FOXP4: variants seen among roughly 807,000 people sequenced by gnomAD.
FOXP4 encodes forkhead box protein P4.
In FOXP4, 25 loss-of-function variants were observed where a neutral mutation model predicts 82.6. That is an observed-to-expected ratio of 0.30 (90% CI 0.22 to 0.42). The LOEUF (loss-of-function observed/expected upper bound fraction) is 0.42, where lower values mean the gene tolerates loss of function less well. Among genes scored for constraint, FOXP4 ranks in the 10% least tolerant of loss-of-function variants. FOXP4 has a pLI of 1.00. For synonymous variants in FOXP4, 415 were observed against 388.2 expected, an observed-to-expected ratio of 1.07 and a Z score of -0.81; for missense variants, 785 against 900.9, an observed-to-expected ratio of 0.87 and a Z score of 1.65.
intron 1 of FOXP4, among the ~76,000 whole-genome samples, chr6:41,548,824 C>CT (rs11326650): frequency 3.9e-4 from 41 of 106,068 alleles, no homozygotes; most frequent in African/African-American, 7.0e-4. Context: ...GTCTGAAGGC[C>CT]TTTTTTTTTT....
chr6:41,573,067 T>G (rs944597695), intron 2 of FOXP4, among the ~76,000 whole-genome samples: 4 of 152,204 alleles, frequency 2.6e-5, no homozygotes, highest in Admixed American at 6.5e-5. Context: ...GCTCTTCGAC[T>G]TCTCATTCTC....
chr6:41,572,563 C>T (rs1562024288), intron 2 of FOXP4, among the ~76,000 whole-genome samples: 2 of 152,226 alleles, frequency 1.3e-5, no homozygotes, highest in South Asian at 2.1e-4. Flanking sequence ...CAGAATGGGG[C>T]GAGGTGGGCC....
intron 1 of FOXP4, among the ~76,000 whole-genome samples, chr6:41,547,723 CGGCCACGGGGGCCCGGA>C (rs1234207167): frequency 6.6e-6 from 1 of 151,714 alleles, no homozygotes; most frequent in Non-Finnish European, 1.5e-5. Flanking sequence ...GAAGAGAGGG[CGGCCACGGGGGCCCGGA>C]GGCCACCAGG....
At position 41,588,557 on chromosome 6, in the gene FOXP4, A is replaced by G. The variant is rs1335570127; in HGVS notation, c.978-87A>G. 2.3e-6 allele frequency: 3 copies of G among 1,299,482 alleles called. No homozygotes were observed. In the African/African-American group the frequency reaches 4.4e-5, roughly 19 times the overall value. The allele number at this position is 1,299,482 out of a possible 1,614,324, so 80.5% of individuals were successfully genotyped here. On this transcript the variant is annotated intron_variant, in intron 8 of 16. Coordinates refer to ENST00000307972, the MANE Select transcript of FOXP4 (RefSeq NM_001012426.2). ...TCTTGGTCTGTCTGCTTTTCAGGCC[A>G]TGGGTGGGATTAGAGGATAGGATGG...
chr6:41,599,939 C>T lies in FOXP4; in HGVS notation c.*1003C>T, dbSNP rs1199026878. On this transcript the variant is annotated 3_prime_UTR_variant, in exon 17 of 17. Coordinates refer to ENST00000307972, the MANE Select transcript of FOXP4 (RefSeq NM_001012426.2). ...GTTAAACGGATGACCAAAGACCTTT[C>T]TTATGCCGGAAGCAAAAACCAAAAC... 1 of 152,326 alleles carries T rather than the reference C, an allele frequency of 6.6e-6. No individual in the cohort carries two copies. Among genetic ancestry groups the T allele is most frequent in the African/African-American group, 2.4e-5 (1 of 41,388 alleles). 9.4% of individuals were successfully genotyped at this position (152,326 alleles called of 1,614,324 possible). A position where few individuals can be genotyped will look rare whatever the true frequency, so the allele number is the denominator to read the frequency against.
At chr6:41,571,311 C>T (rs1765186447) in intron 2 of FOXP4, among the ~76,000 whole-genome samples, 1 of 152,230 alleles carries the variant, frequency 6.6e-6, no homozygotes, top group South Asian at 2.1e-4. Context: ...CAGGCAGAGG[C>T]CGGGCACTGC....
At chr6:41,571,557 G>A (rs1009507570) in intron 2 of FOXP4, among the ~76,000 whole-genome samples, 2 of 152,148 alleles carry the variant, frequency 1.3e-5, no homozygotes, top group Non-Finnish European at 2.9e-5. Context: ...TCCCACCCAC[G>A]TGGGCCTGTC....
rs1256054566 is a variant in FOXP4, at chr6:41,546,569, C to T, written c.-315C>T. ...ACCAGGGCTGGGCCGGGGGCGGGGA[C>T]GCCGGGGTCCGGGAGCCCGGGAGCC... On this transcript the variant is annotated 5_prime_UTR_variant, in exon 1 of 17. It adds an upstream start codon to the 5' untranslated region. Transcript: ENST00000307972. 2 of 148,230 alleles carry T rather than the reference C, an allele frequency of 1.3e-5. No homozygotes were observed. The highest frequency in any genetic ancestry group is 3.0e-5 in the Non-Finnish European group (2 of 66,226). 9.2% of individuals were successfully genotyped at this position (148,230 alleles called of 1,614,324 possible).
intron 2 of FOXP4, among the ~76,000 whole-genome samples, chr6:41,568,424 A>G (rs1028732330): frequency 6.6e-6 from 1 of 152,240 alleles, no homozygotes; most frequent in Non-Finnish European, 1.5e-5. Context: ...TTCAGGGCTC[A>G]GCACACCTGC....
chr6:41,567,729 A>G (rs1378812273), intron 2 of FOXP4, among the ~76,000 whole-genome samples: 17 of 152,198 alleles, frequency 1.1e-4, no homozygotes. Context: ...GAAAGACAGA[A>G]CTGTCTGTAC....
chr6:41,598,770 T>A lies in FOXP4; in HGVS notation c.1896-19T>A. ...TCAGAGGACAGCCGCCTGGTGCCCA[T>A]GCCATACTTTTGCCTCAGCCACCAG... On this transcript the variant is annotated intron_variant, in intron 16 of 16. Transcript: ENST00000307972. 1 of 1,552,054 alleles carries A rather than the reference T, an allele frequency of 6.4e-7. No individual in the cohort carries two copies. Among genetic ancestry groups the A allele is most frequent in the Non-Finnish European group, 8.7e-7 (1 of 1,148,150 alleles).
chr6:41,599,244 T>G lies in FOXP4; in HGVS notation c.*308T>G. On this transcript the variant is annotated 3_prime_UTR_variant, in exon 17 of 17. Transcript: ENST00000307972. ...ACCACCAGCAGCAGCAGGGCCCTCC[T>G]CCCCCACCAGCTCTCCCCACAGGGC... 2 of 231,666 alleles carry G rather than the reference T, an allele frequency of 8.6e-6. No homozygotes were observed. Among genetic ancestry groups the G allele is most frequent in the Non-Finnish European group, 8.4e-6 (1 of 119,100 alleles). The allele number at this position is 231,666 out of a possible 1,614,324, so 14.4% of individuals were successfully genotyped here.
rs963563963 is a variant in FOXP4 at position 41,593,652 on chromosome 6, G to A, written c.1537-1218G>A. Reference sequence around the variant, plus strand: ...AAATTTATTCCGAGGCAGGAGCCCCGGCGTGATTAGGCCCTTTGTAATTAT... The same window carrying A: ...AAATTTATTCCGAGGCAGGAGCCCCAGCGTGATTAGGCCCTTTGTAATTAT... On this transcript the variant is annotated intron_variant, in intron 13 of 16. Transcript: ENST00000307972. This position sits in a 1 kb window ranked among gnomAD's most constrained non-coding sequence, Gnocchi z 4.1. Among the ~76,000 whole-genome samples the A allele has an allele frequency of 6.6e-6, 1 of 152,208 alleles. No homozygotes were observed. The highest frequency in any genetic ancestry group is 1.5e-5 in the Non-Finnish European group (1 of 68,040).
chr6:41,575,635 G>A (rs1038653659), intron 2 of FOXP4, among the ~76,000 whole-genome samples: 1 of 152,116 alleles, frequency 6.6e-6, no homozygotes, highest in African/African-American at 2.4e-5. Flanking sequence ...TGTAAATCAT[G>A]TAATTTCATG....
At chr6:41,576,013 A>G (rs1562027298) in intron 2 of FOXP4, among the ~76,000 whole-genome samples, 1 of 149,620 alleles carries the variant, frequency 6.7e-6, no homozygotes, top group Non-Finnish European at 1.5e-5. Flanking sequence ...GCTCCTTCCT[A>G]ATGACCACCT....
chr6:41,584,837 G>GC lies in FOXP4; in HGVS notation c.374dup (p.Gln126AlafsTer190). 6.2e-7 allele frequency: 1 copy of GC among 1,609,856 alleles called. No individual in the cohort carries two copies. Among genetic ancestry groups the GC allele is most frequent in the Non-Finnish European group, 8.5e-7 (1 of 1,178,360 alleles). On this transcript the variant is annotated frameshift_variant, in exon 4 of 17. Transcript: ENST00000307972. LOFTEE classifies it high-confidence loss of function. ...CGCAACAGATGCAGCAGATCCTGTC[G>GC]CCCCCGCAGCTGCAGGCCTTGCTCC...
In FOXP4 at chr6:41,597,877, G is replaced by C; in HGVS notation, c.1822G>C (p.Val608Leu). 6.3e-7 allele frequency: 1 copy of C among 1,595,848 alleles called. No individual in the cohort carries two copies. Among genetic ancestry groups the C allele is most frequent in the Non-Finnish European group, 8.5e-7 (1 of 1,175,770 alleles). ...SSLLPLSHDDVGAPVEPLPSN... is the reference protein window; with the variant it reads ...SSLLPLSHDDLGAPVEPLPSN... Reference sequence around the variant, plus strand: ...CCTGCTGCCCCTCAGCCACGATGACGTGGGTGCCCCCGTGGAGCCGCTGCC... The same window carrying C: ...CCTGCTGCCCCTCAGCCACGATGACCTGGGTGCCCCCGTGGAGCCGCTGCC... The change falls in exon 16 of 17, where the codon GTG (valine) becomes CTG (leucine). Residue 608 changes from valine (V) to leucine (L), a missense_variant. Transcript: ENST00000307972.
Position 41,587,212 on chromosome 6 carries a change from G to A in FOXP4, c.658+56G>A, listed in dbSNP as rs1360039039. ...CCCAACCCCACAGCCCTGCCTGTAC[G>A]CAACAGCTGGCAGCCCCTGTTCTTG... On this transcript the variant is annotated intron_variant, in intron 6 of 16. Coordinates refer to ENST00000307972, the MANE Select transcript of FOXP4 (RefSeq NM_001012426.2). 8 of 1,607,676 alleles carry A rather than the reference G, an allele frequency of 5.0e-6. No homozygotes were observed. In the Admixed American group the frequency reaches 6.7e-5, roughly 13 times the overall value.
At chr6:41,581,073 G>A (rs1280998763) in intron 3 of FOXP4, among the ~76,000 whole-genome samples, 1 of 152,350 alleles carries the variant, frequency 6.6e-6, no homozygotes, top group South Asian at 2.1e-4. Context: ...TGGGGCCTTG[G>A]CTTCGTCCAT....
Sources: allele counts gnomAD v4.1 joint callset (sites outside exome capture counted in the v4.1 genomes callset), GRCh38; gene constraint gnomAD v4.1.1; non-coding constraint Gnocchi (gnomAD v3.1); transcripts MANE v1.5; gene names NCBI Gene and HGNC (gene_info 2026-07-23, HGNC 2026-07-21).